Variants in CDH23 observed in about 807,000 individuals in gnomAD.
CDH23 encodes the protein cadherin-23.
In CDH23, 189 loss-of-function variants were observed where a neutral mutation model predicts 317.1. The observed-to-expected ratio is 0.60, with a 90% confidence interval of 0.53 to 0.67. CDH23 has a LOEUF of 0.67. Among genes scored for constraint, CDH23 ranks in the 30% least tolerant of loss-of-function variants. The pLI, the probability that CDH23 is intolerant of heterozygous loss-of-function variation, is 0.00. For synonymous variants in CDH23, 1,839 were observed against 1,876.8 expected, an observed-to-expected ratio of 0.98 and a Z score of 0.52; for missense variants, 4,401 against 4,592.4, an observed-to-expected ratio of 0.96 and a Z score of 1.20.
At chr10:71,576,081 C>T (rs991142927) in intron 8 of CDH23, among the ~76,000 whole-genome samples, 2 of 152,196 alleles carry the variant, frequency 1.3e-5, no homozygotes, top group African/African-American at 4.8e-5. Flanking sequence ...GCCCAGGGGG[C>T]CTCTGGGCAG....
intron 48 of CDH23, among the ~76,000 whole-genome samples, chr10:71,794,096 GGTTC>G (rs1841340577): frequency 6.6e-6 from 1 of 152,032 alleles, no homozygotes. Context: ...CTGCCTCCTG[GGTTC>G]AAGTGATTCT....
chr10:71,490,564 C>T (rs760810521), intron 3 of CDH23, among the ~76,000 whole-genome samples: 12 of 152,114 alleles, frequency 7.9e-5, no homozygotes, highest in Non-Finnish European at 1.6e-4. Context: ...CCCAAAGAGG[C>T]CAAGTAACTT....
intron 3 of CDH23, among the ~76,000 whole-genome samples, chr10:71,496,096 A>G (rs1385782668): frequency 6.6e-6 from 1 of 152,222 alleles, no homozygotes; most frequent in Non-Finnish European, 1.5e-5. Context: ...ACTTGGCTGT[A>G]CGTGGGAATC....
intron 14 of CDH23, among the ~76,000 whole-genome samples, chr10:71,670,291 G>A (rs1455577257): frequency 2.0e-5 from 3 of 152,240 alleles, no homozygotes; most frequent in African/African-American, 4.8e-5. Flanking sequence ...AGGTTATGCT[G>A]GCCCTCCGTG....
At chr10:71,590,598 A>C (rs1473870239) in intron 9 of CDH23, among the ~76,000 whole-genome samples, 1 of 152,218 alleles carries the variant, frequency 6.6e-6, no homozygotes, top group Non-Finnish European at 1.5e-5. Context: ...GTTTTTCTTT[A>C]TAATGACAGT....
chr10:71,611,772 C>T (rs890446902), intron 9 of CDH23, among the ~76,000 whole-genome samples: 4 of 152,136 alleles, frequency 2.6e-5, no homozygotes, highest in South Asian at 2.1e-4. Context: ...CTTAGCTCAG[C>T]GAGTACTTAC....
At chr10:71,612,097 G>C (rs867064051) in intron 9 of CDH23, among the ~76,000 whole-genome samples, 93 of 152,274 alleles carry the variant, frequency 6.1e-4, no homozygotes, top group African/African-American at 2.1e-3. Context: ...CACTGAGTCA[G>C]TCCTCTCTCA....
At chr10:71,663,928 G>A (rs955263664) in intron 14 of CDH23, among the ~76,000 whole-genome samples, 1 of 151,914 alleles carries the variant, frequency 6.6e-6, no homozygotes, top group African/African-American at 2.4e-5. Flanking sequence ...TTGAACCCAG[G>A]AGGCGGAGGT....
chr10:71,486,969 T>C (rs1027675550), intron 3 of CDH23, among the ~76,000 whole-genome samples: 2 of 152,236 alleles, frequency 1.3e-5, no homozygotes, highest in East Asian at 3.9e-4. Context: ...AATCACTCAT[T>C]GGGCACAGAC....
intron 11 of CDH23, among the ~76,000 whole-genome samples, chr10:71,626,103 G>T (rs1252893510): frequency 6.6e-6 from 1 of 152,174 alleles, no homozygotes; most frequent in Admixed American, 6.5e-5. Context: ...GCGCATACAG[G>T]ATTATAACAA....
intron 14 of CDH23, among the ~76,000 whole-genome samples, chr10:71,668,404 A>T (rs1864001394): frequency 6.6e-6 from 1 of 152,208 alleles, no homozygotes; most frequent in African/African-American, 2.4e-5. Context: ...CAGACTTCTC[A>T]GGCTCAGACT....
Position 71,517,750 on chromosome 10 carries a change from G to C in CDH23, c.429+6538G>C, listed in dbSNP as rs566573728. Among the ~76,000 whole-genome samples the C allele has an allele frequency of 2.2e-4, 34 of 152,344 alleles. No homozygotes were observed. In the South Asian group the frequency reaches 7.0e-3, roughly 32 times the overall value. Reference sequence around the variant, plus strand: ...TATAACCATGCACCTATTGATCTGGGAGAGGGAGACCAATAAATCATCGCA... The same window carrying C: ...TATAACCATGCACCTATTGATCTGGCAGAGGGAGACCAATAAATCATCGCA... On this transcript the variant is annotated intron_variant, in intron 6 of 69. Transcript: ENST00000224721.
intron 6 of CDH23, among the ~76,000 whole-genome samples, chr10:71,549,043 G>A (rs1389871177): frequency 6.6e-6 from 1 of 152,268 alleles, no homozygotes; most frequent in African/African-American, 2.4e-5. Context: ...TTGTGAATGA[G>A]GCAGAGCGTA....
At chr10:71,643,814 C>T (rs1315917367) in intron 11 of CDH23, 47 bp from the exon 12 acceptor site, 1 of 765,562 alleles carries the variant, frequency 1.3e-6, no homozygotes, top group Non-Finnish European at 2.4e-6. Flanking sequence ...TCTCCGGCTC[C>T]TTCTGTCTGT....
intron 19 of CDH23, among the ~76,000 whole-genome samples, chr10:71,688,326 G>T (rs569966629): frequency 2.0e-5 from 3 of 152,276 alleles, no homozygotes. Flanking sequence ...AGGAACTGCT[G>T]CAGTGGCTGA....
chr10:71,704,857 G>A (rs1309187256), intron 24 of CDH23, 54 bp from the exon 25 acceptor site: 2 of 1,365,234 alleles, frequency 1.5e-6, no homozygotes, highest in Non-Finnish European at 2.1e-6. Context: ...TGGGGGAGAA[G>A]CATCCATCCC....
rs536438868 is a variant in CDH23, at chr10:71,709,170, G to C, written c.3179G>C (p.Arg1060Pro). 2.5e-6 allele frequency: 4 copies of C among 1,613,850 alleles called. No homozygotes were observed. In the African/African-American group the frequency reaches 5.3e-5, roughly 22 times the overall value. ...GTGAGAACCGTGGTGGGCCTGGACCGGGAGACCACAGCCGCCTACATGCTC... is the reference window on the plus strand; with the variant it reads ...GTGAGAACCGTGGTGGGCCTGGACCCGGAGACCACAGCCGCCTACATGCTC... ...AVVRTVVGLDRETTAAYMLIL... is the reference protein window; with the variant it reads ...AVVRTVVGLDPETTAAYMLIL... Residue 1060 changes from arginine (R) to proline (P), a missense_variant, in exon 27 of 70, where the codon CGG (arginine) becomes CCG (proline). Coordinates refer to ENST00000224721, the MANE Select transcript of CDH23 (RefSeq NM_022124.6).
chr10:71,809,153 T>A (rs890008129), intron 60 of CDH23, among the ~76,000 whole-genome samples: 37 of 150,404 alleles, frequency 2.5e-4, no homozygotes, highest in African/African-American at 9.1e-4. Context: ...ATGGGTTTTG[T>A]TGTTTTCTTT....
In CDH23 at chr10:71,702,115, G is replaced by A. The variant is rs1381718278; in HGVS notation, c.2491G>A (p.Gly831Ser). 5.0e-6 allele frequency: 8 copies of A among 1,613,950 alleles called. No homozygotes were observed. Among genetic ancestry groups the A allele is most frequent in the Non-Finnish European group, 6.8e-6 (8 of 1,179,886 alleles). The change falls in exon 23 of 70, where the codon GGC becomes AGC. Residue 831 changes from glycine to serine, a missense_variant. Physicochemically the swap from Gly to Ser is moderately conservative, Grantham distance 56. This residue lies in a region of CDH23 where 3,068 missense variants were observed against 3,203.3 expected (regional missense o/e 0.96). Coordinates refer to ENST00000224721, the MANE Select transcript of CDH23 (RefSeq NM_022124.6). ...GTTCTACAGCCTCAACAGCACCACGGGCAAGATCCGCACCACCCACGCCAT... is the reference window on the plus strand; with the variant it reads ...GTTCTACAGCCTCAACAGCACCACGAGCAAGATCCGCACCACCCACGCCAT... ...NKFYSLNSTT[G>S]KIRTTHAMLD...
Sources: gnomAD v4.1 joint callset for allele counts (sites outside exome capture counted in the v4.1 genomes callset) on GRCh38, gnomAD v4.1.1 for gene constraint, gnomAD v4.1.1 regional missense constraint, MANE v1.5 for transcripts, NCBI Gene and HGNC (gene_info 2026-07-23, HGNC 2026-07-21) for gene names.